DUOX1: variants seen among roughly 807,000 people sequenced by gnomAD.
DUOX1 encodes NADPH thyroid oxidase 1.
A neutral mutation model predicts 181.8 loss-of-function variants in DUOX1; 134 were observed. That is an observed-to-expected ratio of 0.74 (90% CI 0.64 to 0.85). DUOX1 has a LOEUF of 0.85. Among genes scored for constraint, DUOX1 ranks in the 40% least tolerant of loss-of-function variants. The probability of loss-of-function intolerance (pLI) is 0.00; values close to 1 mark genes in which losing one functional copy is unlikely to be tolerated. For synonymous variants in DUOX1, 798 were observed against 832.5 expected, an observed-to-expected ratio of 0.96 and a Z score of 0.71; for missense variants, 1,814 against 2,064.4, an observed-to-expected ratio of 0.88 and a Z score of 2.35.
At chr15:45,158,903 C>T (rs1037908041) in intron 28 of DUOX1, among the ~76,000 whole-genome samples, 1 of 151,980 alleles carries the variant, frequency 6.6e-6, no homozygotes, top group Non-Finnish European at 1.5e-5. Flanking sequence ...AATTGCTGAG[C>T]GGAGTGTTCC....
chr15:45,164,993 C>A lies in DUOX1; in HGVS notation c.*92C>A. 1 of 1,452,968 alleles carries A rather than the reference C, an allele frequency of 6.9e-7. No homozygotes were observed. The allele number at this position is 1,452,968 out of a possible 1,614,324, so 90.0% of individuals were successfully genotyped here. A position where few individuals can be genotyped will look rare whatever the true frequency, so the allele number is the denominator to read the frequency against. On this transcript the variant is annotated 3_prime_UTR_variant, in exon 34 of 34. Transcript: ENST00000389037. The stretch of plus-strand genomic sequence containing the variant: ...TTCTTCCTATTTCTGGCTGCCTCAG[C>A]CTTCTCTGATTTCCCACCTCCCAAC...
At position 45,138,020 on chromosome 15, in the gene DUOX1, A is replaced by T; in HGVS notation, c.1113+6A>T. On this transcript the variant is annotated splice_donor_region_variant and intron_variant, in intron 10 of 33. Transcript: ENST00000389037. ...ACAGCTACTGGAGCCGTGAGGTCCGAGCTGGGGGCCACATATGTGGTGGAT... is the reference window on the plus strand; with the variant it reads ...ACAGCTACTGGAGCCGTGAGGTCCGTGCTGGGGGCCACATATGTGGTGGAT... 6.2e-7 allele frequency: 1 copy of T among 1,601,142 alleles called. No homozygotes were observed. Among genetic ancestry groups the T allele is most frequent in the Non-Finnish European group, 8.5e-7 (1 of 1,172,660 alleles).
chr15:45,140,788 C>T, intron 12 of DUOX1, 107 bp from the exon 13 acceptor site: 1 of 1,133,766 alleles, frequency 8.8e-7, no homozygotes, highest in Middle Eastern at 2.2e-4. Context: ...GTTACTGTTA[C>T]TGTCATTTAT....
At chr15:45,153,548 A>AATGG in intron 26 of DUOX1, 69 bp downstream of exon 26, 1 of 210,488 alleles carries the variant, frequency 4.8e-6, no homozygotes, top group Non-Finnish European at 7.4e-6. Flanking sequence ...GTGTGTGTGT[A>AATGG]TAATGGGGAG....
intron 10 of DUOX1, among the ~76,000 whole-genome samples, chr15:45,138,433 G>A (rs753856761): frequency 8.5e-5 from 13 of 152,178 alleles, no homozygotes; most frequent in Admixed American, 4.6e-4. Context: ...ATCCCGGGCA[G>A]TGTGTGAATG....
In DUOX1 at chr15:45,141,348, T is replaced by C. The variant is rs1318925719; in HGVS notation, c.1622T>C (p.Leu541Pro). The C allele has an allele frequency of 1.9e-6, 3 of 1,614,150 alleles. No homozygotes were observed. The Admixed American group carries it at 5.0e-5, about 27-fold the overall frequency. Residue 541 changes from leucine to proline, a missense_variant, in exon 14 of 34, where the codon CTG becomes CCG. Transcript: ENST00000389037. ...CGAAATACCACCCTGCAGGACGTGCTGGTCGCTGTTATCAACATTGACCCC... is the reference window on the plus strand; with the variant it reads ...CGAAATACCACCCTGCAGGACGTGCCGGTCGCTGTTATCAACATTGACCCC... ...EIRNTTLQDV[L>P]VAVINIDPSA... is the part of the protein sequence containing the mutation.
At chr15:45,153,267 T>C (rs1896863707) in intron 25 of DUOX1, 113 bp from the exon 26 acceptor site, 2 of 654,130 alleles carry the variant, frequency 3.1e-6, no homozygotes, top group Admixed American at 2.0e-5. Flanking sequence ...TCGAGACTCC[T>C]AAGGTACTTC....
At chr15:45,154,032 G>A in intron 27 of DUOX1, 32 bp downstream of exon 27, 1 of 1,608,544 alleles carries the variant, frequency 6.2e-7, no homozygotes, top group Non-Finnish European at 8.5e-7. Flanking sequence ...TGAATTTCTG[G>A]ACCTGACTGT....
Position 45,142,022 on chromosome 15 carries a change from G to T in DUOX1, c.1732G>T (p.Ala578Ser). ...ACAGCTCAGCACTGAAGGCCTGCCA[G>T]CGTGTGCTCCCTCTGTTGTTCGTGA... ...PRQLSTEGLP[A>S]CAPSVVRDYF... Residue 578 changes from alanine to serine, a missense_variant, in exon 15 of 34, where the codon GCG becomes TCG. Around this residue, in one of 5 missense-constraint regions of DUOX1, gnomAD observed 1,064 missense variants for 1,152.9 expected, o/e 0.92. Transcript: ENST00000389037. 6.2e-7 allele frequency: 1 copy of T among 1,613,838 alleles called. No individual in the cohort carries two copies. The highest frequency in any genetic ancestry group is 1.7e-4 in the Middle Eastern group (1 of 5,872).
At chr15:45,155,146 G>A (rs1896939694) in intron 27 of DUOX1, among the ~76,000 whole-genome samples, 2 of 152,246 alleles carry the variant, frequency 1.3e-5, no homozygotes, top group Non-Finnish European at 2.9e-5. Flanking sequence ...ATTTATATAG[G>A]GCCCACGGTG....
rs1373233815 is a variant in DUOX1 at position 45,139,138 on chromosome 15, G to C, written c.1186G>C (p.Glu396Gln). 1.9e-6 allele frequency: 3 copies of C among 1,614,198 alleles called. No individual in the cohort carries two copies. Among genetic ancestry groups the C allele is most frequent in the Non-Finnish European group, 2.5e-6 (3 of 1,180,036 alleles). The change falls in exon 11 of 34, where the codon GAG becomes CAG. Residue 396 changes from glutamate (E) to glutamine (Q), a missense_variant. Glu to Gln is a conservative substitution (Grantham distance 29, BLOSUM62 2). This residue lies in a region of DUOX1 where 1,064 missense variants were observed against 1,152.9 expected (regional missense o/e 0.92). Transcript: ENST00000389037. ...CATGGCCTCCCAGATCGCAGAGCGA[G>C]AGGACCATGTGTTGGTTGAAGATGT... ...LGMASQIAER[E>Q]DHVLVEDVRD... is the part of the protein sequence containing the mutation.
intron 2 of DUOX1, among the ~76,000 whole-genome samples, chr15:45,132,520 A>G (rs1377927878): frequency 6.6e-6 from 1 of 152,224 alleles, no homozygotes; most frequent in African/African-American, 2.4e-5. Flanking sequence ...CTGGAATCTG[A>G]GGCTGCTCTC....
Position 45,163,623 on chromosome 15 carries a change from T to C in DUOX1, c.4340T>C (p.Leu1447Pro), listed in dbSNP as rs776753186. 5 of 1,614,000 alleles carry C rather than the reference T, an allele frequency of 3.1e-6. No homozygotes were observed. Among genetic ancestry groups the C allele is most frequent in the Admixed American group, 1.7e-5 (1 of 60,000 alleles). The change falls in exon 32 of 34, where the codon CTG becomes CCG. Residue 1447 changes from leucine to proline, a missense_variant. By Grantham distance (98) the Leu-to-Pro change is moderately conservative. Transcript: ENST00000389037. The part of the protein sequence containing the change: ...REVEENDHQD[L>P]VSVHIYITQL... Reference sequence around the variant, plus strand: ...GTGGAGGAGAATGACCACCAGGACCTGGTGTCTGTGCACATCTACATCACC... The same window carrying C: ...GTGGAGGAGAATGACCACCAGGACCCGGTGTCTGTGCACATCTACATCACC...
chr15:45,150,784 C>T (rs900258508), intron 22 of DUOX1, 83 bp downstream of exon 22: 13 of 1,325,400 alleles, frequency 9.8e-6, no homozygotes, highest in Admixed American at 1.8e-5. Context: ...TCAGGGCCAC[C>T]GCTAGCCCAT....
rs770567603 is a variant in DUOX1 at position 45,145,071 on chromosome 15, T to G, written c.2313T>G (p.Leu771=). ...TCCTGGAGACCTTTTTCAGGCACCT[T>G]TTCTCCCAGGTGTGTACATGGGACC... ...RHLLETFFRH[L]FSQVLDINQA... is the part of the protein sequence containing the mutation. The change falls in exon 18 of 34, where the codon CTT becomes CTG. Residue 771 remains leucine, a synonymous_variant. Transcript: ENST00000389037. 9.4e-6 allele frequency: 15 copies of G among 1,603,648 alleles called. No individual in the cohort carries two copies. In the African/African-American group the frequency reaches 1.9e-4, roughly 20 times the overall value.
chr15:45,141,876 G>A, intron 14 of DUOX1, 99 bp from the exon 15 acceptor site: 1 of 1,401,420 alleles, frequency 7.1e-7, no homozygotes, highest in Admixed American at 2.3e-5. Context: ...GCTACCCAGA[G>A]TGCCCCCACC....
Position 45,162,304 on chromosome 15 carries a change from T to C in DUOX1, c.4175T>C (p.Val1392Ala), listed in dbSNP as rs1302777878. ...VSVLVGGGIGVTPFASILKDL... is the reference protein window; with the variant it reads ...VSVLVGGGIGATPFASILKDL... ...GTGTTAGTGGGAGGGGGCATTGGGGTCACCCCTTTTGCCTCCATCCTCAAA... is the reference window on the plus strand; with the variant it reads ...GTGTTAGTGGGAGGGGGCATTGGGGCCACCCCTTTTGCCTCCATCCTCAAA... Residue 1392 changes from valine (V) to alanine (A), a missense_variant, in exon 31 of 34, where the codon GTC becomes GCC. Transcript: ENST00000389037. 1 of 1,613,798 alleles carries C rather than the reference T, an allele frequency of 6.2e-7. No homozygotes were observed. Among genetic ancestry groups the C allele is most frequent in the African/African-American group, 1.3e-5 (1 of 74,864 alleles).
Position 45,136,364 on chromosome 15 carries a change from T to G in DUOX1, c.879T>G (p.Tyr293Ter). 6.2e-7 allele frequency: 1 copy of G among 1,613,850 alleles called. No individual in the cohort carries two copies. The highest frequency in any genetic ancestry group is 8.5e-7 in the Non-Finnish European group (1 of 1,180,022). ...VIATYQNIAV[Y>*]EWLPSFLQKT... ...CTGCCCCTCAGAACATCGCTGTGTA[T>G]GAGTGGCTGCCCAGCTTCCTGCAGA... Residue 293 changes from tyrosine (Y) to a stop codon, truncating the protein, a stop_gained, in exon 8 of 34, where the codon TAT (tyrosine) becomes TAG (stop). Transcript: ENST00000389037. LOFTEE classifies it high-confidence loss of function.
In DUOX1 at chr15:45,150,668, G is replaced by C. The variant is rs975294988; in HGVS notation, c.2855G>C (p.Arg952Pro). 3 of 1,613,924 alleles carry C rather than the reference G, an allele frequency of 1.9e-6. No homozygotes were observed. Among genetic ancestry groups the C allele is most frequent in the East Asian group, 2.2e-5 (1 of 44,902 alleles). ...CCTGAAGTCATCAAGGACCTCTGCC[G>C]GCGAGCCTCCTACATCAGCCAGGAT... ...EVPEVIKDLC[R>P]RASYISQDMI... The change falls in exon 22 of 34, where the codon CGG (arginine) becomes CCG (proline). Residue 952 changes from arginine (R) to proline (P), a missense_variant. Arg to Pro is a moderately radical substitution (Grantham distance 103). This residue lies in a region of DUOX1 where 1,064 missense variants were observed against 1,152.9 expected (regional missense o/e 0.92). Transcript: ENST00000389037.
Sources: allele counts gnomAD v4.1 joint callset (sites outside exome capture counted in the v4.1 genomes callset), GRCh38; gene constraint gnomAD v4.1.1; regional missense constraint gnomAD v4.1.1; transcripts MANE v1.5; gene names NCBI Gene and HGNC (gene_info 2026-07-23, HGNC 2026-07-21).